ZBTB43: variants seen among roughly 807,000 people sequenced by gnomAD.
ZBTB43 encodes the protein zinc finger and BTB domain containing 43.
Under a neutral mutation model 31.1 loss-of-function variants are expected in ZBTB43, and 6 were observed. The observed-to-expected ratio is 0.19, with a 90% CI of 0.11 to 0.38. ZBTB43 has a LOEUF of 0.38. ZBTB43 is among the 10% of genes least tolerant of loss of function. The probability of loss-of-function intolerance (pLI) is 1.00; values close to 1 mark genes in which losing one functional copy is unlikely to be tolerated. For synonymous variants in ZBTB43, 212 were observed against 221.7 expected (o/e 0.96, Z 0.39); for missense variants, 379 against 602.1 (o/e 0.63, Z 3.88).
chr9:126,828,992 G>A (rs2032711232), intron 2 of ZBTB43, among the ~76,000 whole-genome samples: 1 of 152,124 alleles, frequency 6.6e-6, no homozygotes, highest in Non-Finnish European at 1.5e-5. Flanking sequence ...GATCAGAACA[G>A]GAATGAATCA....
chr9:126,821,758 G>C (rs1198533213), intron 2 of ZBTB43, among the ~76,000 whole-genome samples: 1 of 152,220 alleles, frequency 6.6e-6, no homozygotes, highest in Admixed American at 6.5e-5. Context: ...AGGATTTAGA[G>C]TAAGCTTTTC....
intron 2 of ZBTB43, among the ~76,000 whole-genome samples, chr9:126,816,437 G>A (rs1362730460): frequency 6.6e-6 from 1 of 151,990 alleles, no homozygotes; most frequent in Admixed American, 6.6e-5. Flanking sequence ...CAGAGACTGT[G>A]TTTTCATGAA....
At chr9:126,805,800 ATCTG>A (rs1398062742) in intron 1 of ZBTB43, among the ~76,000 whole-genome samples, 1 of 152,074 alleles carries the variant, frequency 6.6e-6, no homozygotes, top group Non-Finnish European at 1.5e-5. Flanking sequence ...CTTTTTGGCC[ATCTG>A]TCTGTTTCTC....
intron 2 of ZBTB43, among the ~76,000 whole-genome samples, chr9:126,817,664 G>C (rs977021032): frequency 4.0e-5 from 6 of 151,604 alleles, no homozygotes; most frequent in African/African-American, 1.5e-4. Context: ...TTTTAGTAGA[G>C]ATGGGGTTTC....
chr9:126,813,731 A>G (rs1488756138), intron 2 of ZBTB43, among the ~76,000 whole-genome samples: 3 of 152,160 alleles, frequency 2.0e-5, no homozygotes, highest in African/African-American at 4.8e-5. Flanking sequence ...TTTTCTTTCT[A>G]TGTTAATAAG....
At position 126,835,787 on chromosome 9, in the gene ZBTB43, A is replaced by G. The variant is rs566154517; in HGVS notation, c.*1874A>G. On this transcript the variant is annotated 3_prime_UTR_variant, in exon 3 of 3. Coordinates refer to ENST00000373464, the MANE Select transcript of ZBTB43 (RefSeq NM_014007.4). ...CCTCTTGGTTGTTTGCCACATTAAT[A>G]GCTTCTCTTAGTATTGAAACGTTAC... 1.0e-4 allele frequency: 17 copies of G among 166,626 alleles called. No individual in the cohort carries two copies. The highest frequency in any genetic ancestry group is 3.9e-4 in the African/African-American group (16 of 41,510). The allele number at this position is 166,626 out of a possible 1,614,324, so 10.3% of individuals were successfully genotyped here.
chr9:126,823,024 G>A (rs2032549233), intron 2 of ZBTB43, among the ~76,000 whole-genome samples: 1 of 151,966 alleles, frequency 6.6e-6, no homozygotes, highest in Non-Finnish European at 1.5e-5. Context: ...AAATTTATGT[G>A]GCTCACTTTA....
intron 2 of ZBTB43, among the ~76,000 whole-genome samples, chr9:126,821,386 GAAA>G (rs1338869920): frequency 6.6e-6 from 1 of 151,456 alleles, no homozygotes; most frequent in Non-Finnish European, 1.5e-5. Context: ...TAAAAAAAAA[GAAA>G]AAAAGAAACA....
intron 2 of ZBTB43, among the ~76,000 whole-genome samples, chr9:126,814,057 A>G (rs1176840404): frequency 6.6e-6 from 1 of 152,158 alleles, no homozygotes; most frequent in East Asian, 1.9e-4. Context: ...AATTAGCTTT[A>G]TTGATAGCTG....
chr9:126,832,941 C>G lies in ZBTB43; in HGVS notation c.432C>G (p.Ser144Arg). 6.2e-7 allele frequency: 1 copy of G among 1,613,824 alleles called. No homozygotes were observed. Among genetic ancestry groups the G allele is most frequent in the Non-Finnish European group, 8.5e-7 (1 of 1,180,030 alleles). Residue 144 changes from serine (S) to arginine (R), a missense_variant, in exon 3 of 3, where the codon AGC becomes AGG. By Grantham distance (110) the Ser-to-Arg change is moderately radical. Transcript: ENST00000373464. ...ATGGCAGTGACCACCAGTCACCAAG[C>G]AGCAGTAGTTATAATGGCCTGGTAG... ...LNHGSDHQSP[S>R]SSSYNGLVES... is the part of the protein sequence containing the mutation.
At position 126,835,050 on chromosome 9, in the gene ZBTB43, G is replaced by A. The variant is rs2032851537; in HGVS notation, c.*1137G>A. The A allele has an allele frequency of 6.0e-6, 1 of 167,018 alleles. No individual in the cohort carries two copies. Among genetic ancestry groups the A allele is most frequent in the Admixed American group, 6.5e-5 (1 of 15,272 alleles). 10.3% of individuals were successfully genotyped at this position (167,018 alleles called of 1,614,324 possible). A position where few individuals can be genotyped will look rare whatever the true frequency, so the allele number is the denominator to read the frequency against. On this transcript the variant is annotated 3_prime_UTR_variant, in exon 3 of 3. Coordinates refer to ENST00000373464, the MANE Select transcript of ZBTB43 (RefSeq NM_014007.4). ...TGAGAATACACTCTTTCAAGGTGGG[G>A]GAGATACTCTTTAGAGGGTACACTG...
chr9:126,817,718 C>A (rs2032420113), intron 2 of ZBTB43, among the ~76,000 whole-genome samples: 1 of 150,064 alleles, frequency 6.7e-6, no homozygotes, highest in Non-Finnish European at 1.5e-5. Flanking sequence ...TCTCGTGATC[C>A]ACCCACCTCG....
chr9:126,804,483 T>TTTGTTGTTGTTG (rs143192446), upstream of ZBTB43, among the ~76,000 whole-genome samples: 1 of 151,804 alleles, frequency 6.6e-6, no homozygotes, highest in African/African-American at 2.4e-5. Context: ...TTTTGTTTGT[T>TTTGTTGTTGTTG]TTGTTGTTGT....
chr9:126,833,738 A>G lies in ZBTB43; in HGVS notation c.1229A>G (p.Lys410Arg). 6.2e-7 allele frequency: 1 copy of G among 1,610,362 alleles called. No individual in the cohort carries two copies. The highest frequency in any genetic ancestry group is 8.5e-7 in the Non-Finnish European group (1 of 1,176,766). Residue 410 changes from lysine to arginine, a missense_variant, in exon 3 of 3, where the codon AAA becomes AGA. Physicochemically the swap from Lys to Arg is conservative, Grantham distance 26 (BLOSUM62 2). Coordinates refer to ENST00000373464, the MANE Select transcript of ZBTB43 (RefSeq NM_014007.4). The surrounding 1 kb of genome is among the most constrained non-coding windows in gnomAD (Gnocchi z 7.9). ...TGTGGGGTCTGCGGTAAGAAATTCAAAATGAAGCACCATCTCGTGGGCCAC... is the reference window on the plus strand; with the variant it reads ...TGTGGGGTCTGCGGTAAGAAATTCAGAATGAAGCACCATCTCGTGGGCCAC... ...YGCGVCGKKF[K>R]MKHHLVGHMK...
Position 126,814,384 on chromosome 9 carries a change from T to C in ZBTB43, c.-24+5469T>C. Among the ~76,000 whole-genome samples the C allele has an allele frequency of 2.4e-4, 2 of 8,270 alleles. 1 individual carries two copies. The highest frequency in any genetic ancestry group is 4.7e-4 in the Non-Finnish European group (2 of 4,222). The allele number at this position is 8,270 out of a possible 152,430, so 5.4% of individuals were successfully genotyped here. A position where few individuals can be genotyped will look rare whatever the true frequency, so the allele number is the denominator to read the frequency against. ...TGAAATTTACAAAGTAAATTTACAT[T>C]GAAATTTACTTTGATATTAGTATTG... On this transcript the variant is annotated intron_variant, in intron 2 of 2. Coordinates refer to ENST00000373464, the MANE Select transcript of ZBTB43 (RefSeq NM_014007.4).
intron 1 of ZBTB43, among the ~76,000 whole-genome samples, chr9:126,807,149 CTTTA>C: frequency 6.6e-6 from 1 of 152,140 alleles, no homozygotes; most frequent in Non-Finnish European, 1.5e-5. Context: ...TGAATTACTA[CTTTA>C]TTTAATTGAA....
At chr9:126,806,564 A>G (rs2032130933) in intron 1 of ZBTB43, among the ~76,000 whole-genome samples, 1 of 152,218 alleles carries the variant, frequency 6.6e-6, no homozygotes, top group African/African-American at 2.4e-5. Flanking sequence ...TGATGATTGC[A>G]CAACATTGTG....
Position 126,814,437 on chromosome 9 carries a change from C to T in ZBTB43, c.-24+5522C>T, listed in dbSNP as rs976214155. On this transcript the variant is annotated intron_variant, in intron 2 of 2. Coordinates refer to ENST00000373464, the MANE Select transcript of ZBTB43 (RefSeq NM_014007.4). ...TTGCTTGACTTTTGTTTTCATGTGA[C>T]TTTTTTTTTTTTAAACTTTTGACCT... Among the ~76,000 whole-genome samples, 6 of 141,512 alleles carry T rather than the reference C, an allele frequency of 4.2e-5. No homozygotes were observed. The South Asian group carries it at 1.3e-3, about 32-fold the overall frequency. The allele number at this position is 141,512 out of a possible 152,430, so 92.8% of individuals were successfully genotyped here.
chr9:126,834,073 A>C lies in ZBTB43; in HGVS notation c.*160A>C. The C allele has an allele frequency of 2.4e-6, 2 of 824,320 alleles. No homozygotes were observed. Among genetic ancestry groups the C allele is most frequent in the Non-Finnish European group, 3.5e-6 (2 of 564,776 alleles). The allele number at this position is 824,320 out of a possible 1,614,324, so 51.1% of individuals were successfully genotyped here. On this transcript the variant is annotated 3_prime_UTR_variant, in exon 3 of 3. Coordinates refer to ENST00000373464, the MANE Select transcript of ZBTB43 (RefSeq NM_014007.4). ...ACCAGCTCTAAGTAGGCCAATTAAAAAAATCTAATTCCTCAAATTTGTGTG... is the reference window on the plus strand; with the variant it reads ...ACCAGCTCTAAGTAGGCCAATTAAACAAATCTAATTCCTCAAATTTGTGTG...
Sources: gnomAD v4.1 joint callset for allele counts (sites outside exome capture counted in the v4.1 genomes callset) on GRCh38, gnomAD v4.1.1 for gene constraint, Gnocchi (gnomAD v3.1) non-coding constraint, MANE v1.5 for transcripts, NCBI Gene and HGNC (gene_info 2026-07-23, HGNC 2026-07-21) for gene names.